The following JAM2 variants were observed in gnomAD, a reference collection of about 807,000 sequenced individuals.
JAM2 encodes the protein junctional adhesion molecule 2.
In JAM2, 17 loss-of-function variants were observed where a neutral mutation model predicts 42.0. The observed-to-expected ratio is 0.40, with a 90% CI of 0.28 to 0.61. The LOEUF (loss-of-function observed/expected upper bound fraction) is 0.61, where lower values mean the gene tolerates loss of function less well. Among genes scored for constraint, JAM2 ranks in the 20% least tolerant of loss-of-function variants. JAM2 has a pLI of 0.37. For synonymous variants in JAM2, 118 were observed against 128.6 expected, an observed-to-expected ratio of 0.92 and a Z score of 0.56; for missense variants, 319 against 358.3, an observed-to-expected ratio of 0.89 and a Z score of 0.89.
Position 25,658,013 on chromosome 21 carries a change from G to A in JAM2, c.67+18125G>A, listed in dbSNP as rs550351025. Among the ~76,000 whole-genome samples the A allele has an allele frequency of 2.0e-5, 3 of 152,274 alleles. No homozygotes were observed. In the East Asian group the frequency reaches 5.8e-4, roughly 29 times the overall value. ...GCAACAGGAAGTTGTTGAAGGTTTTGAAGAGTGGAATAATATATCAAAAAA... is the reference window on the plus strand; with the variant it reads ...GCAACAGGAAGTTGTTGAAGGTTTTAAAGAGTGGAATAATATATCAAAAAA... On this transcript the variant is annotated intron_variant, in intron 1 of 9. Transcript: ENST00000480456.
At chr21:25,665,547 A>C (rs558717053) in intron 1 of JAM2, among the ~76,000 whole-genome samples, 1 of 152,302 alleles carries the variant, frequency 6.6e-6, no homozygotes, top group African/African-American at 2.4e-5. Flanking sequence ...ACTTGTTTTA[A>C]GGAATTGGTT....
At chr21:25,656,465 C>A (rs1480054655) in intron 1 of JAM2, among the ~76,000 whole-genome samples, 1 of 152,148 alleles carries the variant, frequency 6.6e-6, no homozygotes, top group Non-Finnish European at 1.5e-5. Context: ...TCTCATAGTT[C>A]CTTTAGCCTT....
intron 5 of JAM2, among the ~76,000 whole-genome samples, chr21:25,699,651 A>G (rs925629264): frequency 7.7e-6 from 1 of 130,674 alleles, no homozygotes; most frequent in Non-Finnish European, 1.6e-5. Context: ...TGAACCCGGG[A>G]GGCGGAGCTT....
chr21:25,673,606 C>T (rs1191153951), intron 1 of JAM2, among the ~76,000 whole-genome samples: 1 of 152,202 alleles, frequency 6.6e-6, no homozygotes, highest in Non-Finnish European at 1.5e-5. Flanking sequence ...GAAGCCATTA[C>T]AGTGTGTCTG....
chr21:25,687,207 A>G (rs2033769896), intron 2 of JAM2, among the ~76,000 whole-genome samples: 1 of 152,242 alleles, frequency 6.6e-6, no homozygotes, highest in South Asian at 2.1e-4. Flanking sequence ...GACCATTTAC[A>G]GAGCACATAC....
At chr21:25,675,589 A>G (rs1223384504) in intron 1 of JAM2, among the ~76,000 whole-genome samples, 1 of 140,914 alleles carries the variant, frequency 7.1e-6, no homozygotes, top group Non-Finnish European at 1.6e-5. Flanking sequence ...GGAAGGAAGG[A>G]AGGAAAGAAG....
At chr21:25,710,094 A>G (rs1296131670) in intron 8 of JAM2, 1 of 152,198 alleles carries the variant, frequency 6.6e-6, no homozygotes, top group Non-Finnish European at 1.5e-5. Context: ...TGTAAATGGT[A>G]GTACAGAGAG....
chr21:25,676,006 G>A (rs762980754), intron 1 of JAM2, among the ~76,000 whole-genome samples: 70 of 151,926 alleles, frequency 4.6e-4, no homozygotes, highest in Non-Finnish European at 7.8e-4. Context: ...AAAAACTTCA[G>A]GCCGGGTGCA....
intron 8 of JAM2, chr21:25,711,502 T>G: frequency 2.4e-6 from 1 of 424,128 alleles, no homozygotes; most frequent in Non-Finnish European, 4.6e-6. Flanking sequence ...CCTAATTCCT[T>G]TGAAGAATCA....
At chr21:25,642,225 G>A (rs1262653830) in intron 1 of JAM2, among the ~76,000 whole-genome samples, 1 of 151,988 alleles carries the variant, frequency 6.6e-6, no homozygotes, top group Non-Finnish European at 1.5e-5. Context: ...AGGAAGGAGA[G>A]TTATGCTCCA....
At chr21:25,662,238 C>T (rs2033108180) in intron 1 of JAM2, among the ~76,000 whole-genome samples, 1 of 152,136 alleles carries the variant, frequency 6.6e-6, no homozygotes, top group Non-Finnish European at 1.5e-5. Context: ...CCTCAACCTC[C>T]TTGGCTCAAG....
chr21:25,701,947 C>T lies in JAM2; in HGVS notation c.598-223C>T, dbSNP rs560946036. Among the ~76,000 whole-genome samples the T allele has an allele frequency of 4.6e-5, 7 of 151,546 alleles. No homozygotes were observed. The South Asian group carries it at 1.3e-3, about 27-fold the overall frequency. On this transcript the variant is annotated intron_variant, in intron 5 of 9. Transcript: ENST00000480456. ...GTTAAAAAAAAAAAAAGGAACTTCTCTGTATGTATTTTATCTTTGTTCTTC... is the reference window on the plus strand; with the variant it reads ...GTTAAAAAAAAAAAAAGGAACTTCTTTGTATGTATTTTATCTTTGTTCTTC...
intron 2 of JAM2, among the ~76,000 whole-genome samples, chr21:25,685,524 CAAAAAAAAAA>C (rs776114627): frequency 2.0e-5 from 1 of 50,426 alleles, no homozygotes; most frequent in South Asian, 7.6e-4. Flanking sequence ...GAGAATGTCT[CAAAAAAAAAA>C]AAAAAAAAAA....
chr21:25,664,732 G>C (rs1026862812), intron 1 of JAM2, among the ~76,000 whole-genome samples: 1 of 152,086 alleles, frequency 6.6e-6, no homozygotes, highest in East Asian at 1.9e-4. Context: ...TTCTACTCCA[G>C]TGTTTCCTGC....
At chr21:25,664,888 G>A (rs1303036432) in intron 1 of JAM2, among the ~76,000 whole-genome samples, 1 of 152,168 alleles carries the variant, frequency 6.6e-6, no homozygotes, top group Non-Finnish European at 1.5e-5. Flanking sequence ...CATGGAATCT[G>A]TATCCCTTTG....
intron 1 of JAM2, among the ~76,000 whole-genome samples, chr21:25,673,068 C>T (rs1164707067): frequency 2.6e-5 from 4 of 152,138 alleles, no homozygotes; most frequent in Non-Finnish European, 4.4e-5. Context: ...GAGATTGTCA[C>T]TTGGGGAAAA....
Position 25,704,899 on chromosome 21 carries a change from A to C in JAM2, c.698-1080A>C, listed in dbSNP as rs943559142. The stretch of plus-strand genomic sequence containing the variant: ...TGAGAGTATTTTTAATAAAATTCTC[A>C]ATTTGCAGAAATGTTAAGCTTGGAA... On this transcript the variant is annotated intron_variant, in intron 6 of 9. Transcript: ENST00000480456. Among the ~76,000 whole-genome samples the C allele has an allele frequency of 3.3e-5, 5 of 152,378 alleles. No individual in the cohort carries two copies. The East Asian group carries it at 9.6e-4, about 29-fold the overall frequency.
chr21:25,666,732 C>T (rs1568896392), intron 1 of JAM2, among the ~76,000 whole-genome samples: 2 of 152,106 alleles, frequency 1.3e-5, no homozygotes, highest in African/African-American at 4.8e-5. Flanking sequence ...GATAGGATCT[C>T]ACTGTGTTGC....
At chr21:25,656,176 A>G (rs1163046187) in intron 1 of JAM2, among the ~76,000 whole-genome samples, 1 of 152,154 alleles carries the variant, frequency 6.6e-6, no homozygotes, top group African/African-American at 2.4e-5. Flanking sequence ...TGGCAAGAAA[A>G]AGTGAATATA....
Sources: allele counts gnomAD v4.1 joint callset (sites outside exome capture counted in the v4.1 genomes callset), GRCh38; gene constraint gnomAD v4.1.1; transcripts MANE v1.5; gene names NCBI Gene and HGNC (gene_info 2026-07-23, HGNC 2026-07-21).